SLC9A1: variants seen among roughly 807,000 people sequenced by gnomAD.
The protein encoded by SLC9A1 is solute carrier family 9 member A1.
Under a neutral mutation model 67.9 loss-of-function variants are expected in SLC9A1, and 22 were observed. The observed-to-expected ratio is 0.32, with a 90% confidence interval of 0.23 to 0.46. The LOEUF (loss-of-function observed/expected upper bound fraction) is 0.46. SLC9A1 is among the 20% of genes least tolerant of loss of function. The probability of loss-of-function intolerance (pLI) is 1.00; values close to 1 mark genes in which losing one functional copy is unlikely to be tolerated. For missense variants in SLC9A1, 686 were observed against 1,094.8 expected (o/e 0.63, Z 5.27); for synonymous variants, 421 against 471.8 (o/e 0.89, Z 1.40).
chr1:27,148,713 T>C (rs940157986), intron 1 of SLC9A1, among the ~76,000 whole-genome samples: 3 of 152,082 alleles, frequency 2.0e-5, no homozygotes, highest in African/African-American at 7.2e-5. Context: ...CAAATTTCAG[T>C]GCTAATGAGA....
chr1:27,139,953 T>C (rs2083444032), intron 1 of SLC9A1, among the ~76,000 whole-genome samples: 2 of 151,974 alleles, frequency 1.3e-5, no homozygotes, highest in South Asian at 2.1e-4. Flanking sequence ...CCATCACACC[T>C]GGCTAATTTT....
At chr1:27,138,811 CT>C (rs776560425) in intron 1 of SLC9A1, among the ~76,000 whole-genome samples, 6 of 152,146 alleles carry the variant, frequency 3.9e-5, no homozygotes, top group Non-Finnish European at 7.4e-5. Context: ...CTTGCATTTT[CT>C]CCCAAGTTCA....
intron 1 of SLC9A1, among the ~76,000 whole-genome samples, chr1:27,138,164 G>A (rs1406168317): frequency 2.0e-5 from 3 of 152,172 alleles, no homozygotes; most frequent in Non-Finnish European, 4.4e-5. Flanking sequence ...CCAGGCCCAC[G>A]GGCCTGGCAT....
In SLC9A1 at chr1:27,154,632, C is replaced by T. The variant is rs1479402935; in HGVS notation, c.-298G>A. 1 of 352,148 alleles carries T rather than the reference C, an allele frequency of 2.8e-6. No individual in the cohort carries two copies. The highest frequency in any genetic ancestry group is 5.2e-6 in the Non-Finnish European group (1 of 192,038). The allele number at this position is 352,148 out of a possible 1,614,324, so 21.8% of individuals were successfully genotyped here. On this transcript the variant is annotated 5_prime_UTR_variant, in exon 1 of 12. Coordinates refer to ENST00000263980, the MANE Select transcript of SLC9A1 (RefSeq NM_003047.5). ...GAGGACGGATGTGGGAAACTGAGCC[C>T]TAGGGATAGAGGAAGGGGCAGGATA... is the stretch of plus-strand genomic sequence containing the variant.
In SLC9A1 at chr1:27,154,627, G is replaced by A; in HGVS notation, c.-293C>T. 1 of 363,010 alleles carries A rather than the reference G, an allele frequency of 2.8e-6. No homozygotes were observed. The highest frequency in any genetic ancestry group is 2.1e-5 in the African/African-American group (1 of 48,026). 22.5% of individuals were successfully genotyped at this position (363,010 alleles called of 1,614,324 possible). A position where few individuals can be genotyped will look rare whatever the true frequency, so the allele number is the denominator to read the frequency against. On this transcript the variant is annotated 5_prime_UTR_variant, in exon 1 of 12. Coordinates refer to ENST00000263980, the MANE Select transcript of SLC9A1 (RefSeq NM_003047.5). ...AGGGGGAGGACGGATGTGGGAAACTGAGCCCTAGGGATAGAGGAAGGGGCA... is the reference window on the plus strand; with the variant it reads ...AGGGGGAGGACGGATGTGGGAAACTAAGCCCTAGGGATAGAGGAAGGGGCA...
chr1:27,114,300 G>C lies in SLC9A1; in HGVS notation c.353-14C>G. The stretch of plus-strand genomic sequence containing the variant: ...TCACATGGAAACCTGCGGAGGGCGA[G>C]AGAACGGGAGGCCATGGGCTTTCGG... On this transcript the variant is annotated splice_polypyrimidine_tract_variant and intron_variant, in intron 1 of 11. Transcript: ENST00000263980. This position sits in a 1 kb window ranked among gnomAD's most constrained non-coding sequence, Gnocchi z 5.4. 1 of 1,595,736 alleles carries C rather than the reference G, an allele frequency of 6.3e-7. No individual in the cohort carries two copies. Among genetic ancestry groups the C allele is most frequent in the Non-Finnish European group, 8.6e-7 (1 of 1,166,556 alleles).
intron 5 of SLC9A1, 135 bp from the exon 6 acceptor site, chr1:27,103,447 G>A (rs986997980): frequency 3.8e-5 from 27 of 711,588 alleles, no homozygotes; most frequent in Non-Finnish European, 5.7e-5. Context: ...ACCCAAGGGT[G>A]TGAGAACTCT....
At position 27,101,803 on chromosome 1, in the gene SLC9A1, C is replaced by T. The variant is rs773689890; in HGVS notation, c.1959G>A (p.Thr653=). ...CTTCCTCGTAGGGGTCTGCCACCAG[C>T]GTGTGTCTGTTGTAGGACCGCAGCT... ...RQRLRSYNRH[T]LVADPYEEAW... The change falls in exon 10 of 12, where the codon ACG becomes ACA. Residue 653 remains threonine, a synonymous_variant. Transcript: ENST00000263980. This position sits in a 1 kb window ranked among gnomAD's most constrained non-coding sequence, Gnocchi z 4.9. 23 of 1,612,266 alleles carry T rather than the reference C, an allele frequency of 1.4e-5. No individual in the cohort carries two copies. In the South Asian group the frequency reaches 2.0e-4, roughly 14 times the overall value.
intron 1 of SLC9A1, among the ~76,000 whole-genome samples, chr1:27,116,201 A>G (rs1373867656): frequency 6.6e-6 from 1 of 152,132 alleles, no homozygotes; most frequent in Non-Finnish European, 1.5e-5. Flanking sequence ...CTCTACTAAA[A>G]ATATAAAAAT....
At chr1:27,153,875 TG>T (rs1452393573) in intron 1 of SLC9A1, 107 bp downstream of exon 1, 5 of 703,286 alleles carry the variant, frequency 7.1e-6, no homozygotes, top group Non-Finnish European at 1.2e-5. Context: ...GCCTACTTTA[TG>T]GGGGTAGTTC....
rs527661437 is a variant in SLC9A1, at chr1:27,115,632, G to A, written c.353-1346C>T. Among the ~76,000 whole-genome samples the A allele has an allele frequency of 4.5e-4, 68 of 151,958 alleles. No individual in the cohort carries two copies. In the Middle Eastern group the frequency reaches 0.01, roughly 23 times the overall value. On this transcript the variant is annotated intron_variant, in intron 1 of 11. Transcript: ENST00000263980. ...ATTTGACACCAGCTTGTACAACATA[G>A]GAGACCTCATCTCCACTTAAAAAAA...
At chr1:27,151,355 A>AT (rs896497143) in intron 1 of SLC9A1, among the ~76,000 whole-genome samples, 6 of 151,678 alleles carry the variant, frequency 4.0e-5, no homozygotes, top group East Asian at 1.9e-4. Context: ...TTCCCATTTT[A>AT]TTTTTTTTTA....
chr1:27,101,390 C>T lies in SLC9A1; in HGVS notation c.2038-115G>A, dbSNP rs968942887. 2.5e-6 allele frequency: 2 copies of T among 789,800 alleles called. No homozygotes were observed. Among genetic ancestry groups the T allele is most frequent in the East Asian group, 2.7e-5 (1 of 37,626 alleles). 48.9% of individuals were successfully genotyped at this position (789,800 alleles called of 1,614,324 possible). On this transcript the variant is annotated intron_variant, in intron 10 of 11. Transcript: ENST00000263980. The surrounding 1 kb of genome is among the most constrained non-coding windows in gnomAD (Gnocchi z 4.9). Reference sequence around the variant, plus strand: ...CGTATATGCAGGGCGCTTGCTCCCCCTCCCTTGTGCCTGTGTGGGCACCCG... The same window carrying T: ...CGTATATGCAGGGCGCTTGCTCCCCTTCCCTTGTGCCTGTGTGGGCACCCG...
In SLC9A1 at chr1:27,140,410, T is replaced by C. The variant is rs565710586; in HGVS notation, c.352+13573A>G. On this transcript the variant is annotated intron_variant, in intron 1 of 11. Coordinates refer to ENST00000263980, the MANE Select transcript of SLC9A1 (RefSeq NM_003047.5). ...GTCTCATTTGCACCCCTAACCTCAG[T>C]ACTCAGCTCACCCCAATGCCCTCCA... 4.8e-4 allele frequency among the ~76,000 whole-genome samples: 73 copies of C among 152,228 alleles called. No homozygotes were observed. In the Middle Eastern group the frequency reaches 0.01, roughly 21 times the overall value.
intron 1 of SLC9A1, among the ~76,000 whole-genome samples, chr1:27,139,610 G>T (rs1358529994): frequency 2.0e-5 from 3 of 151,226 alleles, no homozygotes; most frequent in African/African-American, 7.4e-5. Flanking sequence ...CACAGGTGCA[G>T]TTAGCTTCTC....
chr1:27,125,902 T>C (rs1467050188), intron 1 of SLC9A1, among the ~76,000 whole-genome samples: 3 of 152,124 alleles, frequency 2.0e-5, no homozygotes, highest in African/African-American at 2.4e-5. Flanking sequence ...AGAGTGAAGC[T>C]TTTTAAGAGG....
At chr1:27,112,186 G>A (rs2083232706) in intron 2 of SLC9A1, among the ~76,000 whole-genome samples, 1 of 152,228 alleles carries the variant, frequency 6.6e-6, no homozygotes, top group Non-Finnish European at 1.5e-5. Flanking sequence ...AAGAGCTAGT[G>A]CTAGAGGAAG....
At position 27,101,330 on chromosome 1, in the gene SLC9A1, C is replaced by G; in HGVS notation, c.2038-55G>C. On this transcript the variant is annotated intron_variant, in intron 10 of 11. Transcript: ENST00000263980. The surrounding 1 kb of genome is among the most constrained non-coding windows in gnomAD (Gnocchi z 4.9). ...AGGCAGCTGGGCAGAGGGAGCCCCTCAGGACAGAACCCGGCCAGTGCACAC... is the reference window on the plus strand; with the variant it reads ...AGGCAGCTGGGCAGAGGGAGCCCCTGAGGACAGAACCCGGCCAGTGCACAC... 7.0e-7 allele frequency: 1 copy of G among 1,421,260 alleles called. No individual in the cohort carries two copies. The highest frequency in any genetic ancestry group is 9.9e-7 in the Non-Finnish European group (1 of 1,011,866). 88.0% of individuals were successfully genotyped at this position (1,421,260 alleles called of 1,614,324 possible).
intron 1 of SLC9A1, among the ~76,000 whole-genome samples, chr1:27,135,525 GAAAAA>G (rs36107223): frequency 9.1e-6 from 1 of 110,016 alleles, no homozygotes; most frequent in African/African-American, 3.5e-5. Flanking sequence ...CTTTTTTCTG[GAAAAA>G]AAAAAAAAAA....
Sources: gnomAD v4.1 joint callset for allele counts (sites outside exome capture counted in the v4.1 genomes callset) on GRCh38, gnomAD v4.1.1 for gene constraint, Gnocchi (gnomAD v3.1) non-coding constraint, MANE v1.5 for transcripts, NCBI Gene and HGNC (gene_info 2026-07-23, HGNC 2026-07-21) for gene names.